Variants in ARID5B observed in about 807,000 individuals in gnomAD.
The protein encoded by ARID5B is AT-rich interactive domain-containing protein 5B.
ARID5B carries 13 observed loss-of-function variants against 97.2 expected under a neutral mutation model. The ratio of observed to expected loss-of-function variants is 0.13; its 90% CI spans 0.09 to 0.21. The LOEUF (loss-of-function observed/expected upper bound fraction) is 0.21. Among genes scored for constraint, ARID5B ranks in the 10% least tolerant of loss-of-function variants. The pLI is 1.00. For synonymous variants in ARID5B, 556 were observed against 570.3 expected (o/e 0.97, Z 0.36); for missense variants, 1,210 against 1,465.3 (o/e 0.83, Z 2.84).
intron 4 of ARID5B, chr10:62,049,173 A>G: frequency 2.4e-6 from 3 of 1,260,276 alleles, no homozygotes; most frequent in Non-Finnish European, 3.0e-6. Flanking sequence ...AACAGGCCGG[A>G]TGAAATCACC....
chr10:61,946,475 A>C (rs1308786734), intron 3 of ARID5B, among the ~76,000 whole-genome samples: 1 of 152,166 alleles, frequency 6.6e-6, no homozygotes. Flanking sequence ...ATGTATATTA[A>C]AGAGTCTTTT....
At chr10:61,958,486 A>G (rs1178209444) in intron 3 of ARID5B, among the ~76,000 whole-genome samples, 2 of 152,094 alleles carry the variant, frequency 1.3e-5, no homozygotes, top group Non-Finnish European at 2.9e-5. Context: ...TCAGCCTTCC[A>G]AAGTGCTGGG....
At chr10:62,047,500 C>G (rs888347862) in intron 4 of ARID5B, among the ~76,000 whole-genome samples, 42 of 152,148 alleles carry the variant, frequency 2.8e-4, no homozygotes, top group African/African-American at 9.9e-4. Context: ...GGGTACTGCT[C>G]TCTCCCTAGC....
At chr10:61,955,840 G>A (rs1247307549) in intron 3 of ARID5B, among the ~76,000 whole-genome samples, 1 of 152,010 alleles carries the variant, frequency 6.6e-6, no homozygotes, top group African/African-American at 2.4e-5. Flanking sequence ...TAGTAGAGAC[G>A]GGGTTTCGTC....
chr10:61,913,183 C>T (rs1489405536), intron 2 of ARID5B, among the ~76,000 whole-genome samples: 1 of 152,172 alleles, frequency 6.6e-6, no homozygotes, highest in African/African-American at 2.4e-5. Flanking sequence ...TGATAATGTT[C>T]TCAGAGACCT....
intron 3 of ARID5B, among the ~76,000 whole-genome samples, chr10:61,961,504 T>G (rs1009433612): frequency 3.3e-5 from 5 of 152,194 alleles, no homozygotes; most frequent in East Asian, 3.9e-4. Context: ...TGAATTAATC[T>G]ATAGGCTCAG....
At position 62,084,090 on chromosome 10, in the gene ARID5B, A is replaced by G. The variant is rs544247988; in HGVS notation, c.1200-1612A>G. Among the ~76,000 whole-genome samples, 3 of 152,338 alleles carry G rather than the reference A, an allele frequency of 2.0e-5. No homozygotes were observed. The East Asian group carries it at 5.8e-4, about 29-fold the overall frequency. ...ACTCAGTTTGTAATGGGATCTGAAG[A>G]TAACTATTCCCCATGGGCTCTGTTG... On this transcript the variant is annotated intron_variant, in intron 8 of 9. Transcript: ENST00000279873.
chr10:62,050,972 A>G lies in ARID5B; in HGVS notation c.818A>G (p.Asn273Ser). The G allele has an allele frequency of 2.5e-6, 4 of 1,614,162 alleles. No homozygotes were observed. The highest frequency in any genetic ancestry group is 3.4e-6 in the Non-Finnish European group (4 of 1,179,966). The stretch of plus-strand genomic sequence containing the variant: ...TTCAGTGGTGTTAAGGATTCCAACA[A>G]CAATTCCGATGGCAAAGCCGTTGCC... ...DSFSGVKDSN[N>S]NSDGKAVAKV... Residue 273 changes from asparagine to serine, a missense_variant, in exon 5 of 10, where the codon AAC (asparagine) becomes AGC (serine). This residue lies in a region of ARID5B where 132 missense variants were observed against 156.7 expected (regional missense o/e 0.84). Coordinates refer to ENST00000279873, the MANE Select transcript of ARID5B (RefSeq NM_032199.3).
intron 8 of ARID5B, among the ~76,000 whole-genome samples, chr10:62,083,255 CAGCCAGCTGCTGAGTTG>C (rs1308935412): frequency 5.1e-5 from 7 of 137,576 alleles, no homozygotes; most frequent in African/African-American, 1.1e-4. Context: ...TGCTGTCAGC[CAGCCAGCTGCTGAGTTG>C]AGTGAAGGGG....
chr10:61,942,811 C>T (rs1299393097), intron 3 of ARID5B, among the ~76,000 whole-genome samples: 1 of 151,962 alleles, frequency 6.6e-6, no homozygotes, highest in East Asian at 1.9e-4. Flanking sequence ...CAAAACAAAA[C>T]AAAACAAAAA....
intron 4 of ARID5B, among the ~76,000 whole-genome samples, chr10:62,011,786 A>G (rs773287497): frequency 6.6e-6 from 1 of 152,216 alleles, no homozygotes; most frequent in Non-Finnish European, 1.5e-5. Flanking sequence ...GCTACACGTT[A>G]GCAGAGTAGT....
At chr10:62,089,743 G>A (rs1377105330) in intron 9 of ARID5B, among the ~76,000 whole-genome samples, 1 of 151,946 alleles carries the variant, frequency 6.6e-6, no homozygotes, top group Non-Finnish European at 1.5e-5. Context: ...GACCAGGCTG[G>A]TCTTGAACTC....
chr10:62,013,875 T>C (rs903255426), intron 4 of ARID5B, among the ~76,000 whole-genome samples: 1 of 151,620 alleles, frequency 6.6e-6, no homozygotes, highest in African/African-American at 2.4e-5. Flanking sequence ...TGGGGGTTCA[T>C]ATGATACTTT....
In ARID5B at chr10:62,042,829, G is replaced by C. The variant is rs191381689; in HGVS notation, c.734-8059G>C. On this transcript the variant is annotated intron_variant, in intron 4 of 9. Coordinates refer to ENST00000279873, the MANE Select transcript of ARID5B (RefSeq NM_032199.3). ...ACTCGGGAGGCCGAGGCAGGAGGAT[G>C]GTGTGAACCTGGGAGGTGGAGCATG... Among the ~76,000 whole-genome samples, 32 of 151,384 alleles carry C rather than the reference G, an allele frequency of 2.1e-4. No individual in the cohort carries two copies. In the East Asian group the frequency reaches 4.9e-3, roughly 23 times the overall value.
intron 2 of ARID5B, among the ~76,000 whole-genome samples, chr10:61,936,846 C>A (rs781766521): frequency 0.21 from 5,251 of 24,426 alleles, 196 homozygotes; most frequent in African/African-American, 0.27. Context: ...TTTTTCTTCC[C>A]CAAAAAAAAA....
intron 3 of ARID5B, among the ~76,000 whole-genome samples, chr10:61,972,767 T>C (rs1168106816): frequency 1.3e-5 from 2 of 152,190 alleles, no homozygotes; most frequent in Non-Finnish European, 2.9e-5. Flanking sequence ...CTCCTAGAAG[T>C]GGAGCTTGTC....
intron 3 of ARID5B, among the ~76,000 whole-genome samples, chr10:61,984,309 T>TA (rs1838817566): frequency 6.6e-6 from 1 of 152,252 alleles, no homozygotes; most frequent in South Asian, 2.1e-4. Context: ...TTCACCCATG[T>TA]AAACCCACTG....
intron 2 of ARID5B, among the ~76,000 whole-genome samples, chr10:61,918,695 A>G (rs1205383213): frequency 1.3e-5 from 2 of 152,148 alleles, no homozygotes; most frequent in Non-Finnish European, 2.9e-5. Flanking sequence ...ACTTTGAAGG[A>G]GACATGTTCA....
At position 62,053,730 on chromosome 10, in the gene ARID5B, G is replaced by A. The variant is rs1839821173; in HGVS notation, c.846+2730G>A. Among the ~76,000 whole-genome samples the A allele has an allele frequency of 2.0e-5, 3 of 152,176 alleles. No homozygotes were observed. In the South Asian group the frequency reaches 6.2e-4, roughly 32 times the overall value. On this transcript the variant is annotated intron_variant, in intron 5 of 9. Coordinates refer to ENST00000279873, the MANE Select transcript of ARID5B (RefSeq NM_032199.3). ...GAAGGGCAGAAGTGTATTACAGGTG[G>A]TTTATATTCTAAAAGGAACACAAAA...
Sources: allele counts gnomAD v4.1 joint callset (sites outside exome capture counted in the v4.1 genomes callset), GRCh38; gene constraint gnomAD v4.1.1; regional missense constraint gnomAD v4.1.1; transcripts MANE v1.5; gene names NCBI Gene and HGNC (gene_info 2026-07-23, HGNC 2026-07-21).